TTC7B: variants seen among roughly 807,000 people sequenced by gnomAD.
TTC7B encodes tetratricopeptide repeat domain 7B.
In TTC7B, 28 loss-of-function variants were observed where a neutral mutation model predicts 106.8. That is an observed-to-expected ratio of 0.26 (90% CI 0.19 to 0.36). The LOEUF (loss-of-function observed/expected upper bound fraction) is 0.36. Ranked by LOEUF, TTC7B falls within the 10% of genes least tolerant of loss-of-function variation. The probability of loss-of-function intolerance (pLI) is 1.00; values close to 1 mark genes in which losing one functional copy is unlikely to be tolerated. For missense variants in TTC7B, 862 were observed against 1,076.4 expected (o/e 0.80, Z 2.79); for synonymous variants, 405 against 430.6 (o/e 0.94, Z 0.74).
intron 3 of TTC7B, among the ~76,000 whole-genome samples, chr14:90,775,669 A>C (rs1278625490): frequency 1.3e-5 from 2 of 152,148 alleles, no homozygotes; most frequent in Non-Finnish European, 2.9e-5. Context: ...CCTGCCAAGA[A>C]ACATCCCCAC....
At chr14:90,619,985 C>A (rs1893242326) in intron 15 of TTC7B, among the ~76,000 whole-genome samples, 1 of 152,186 alleles carries the variant, frequency 6.6e-6, no homozygotes, top group South Asian at 2.1e-4. Flanking sequence ...AGGAAAGTCT[C>A]TTTTTCATGT....
chr14:90,699,290 A>G (rs1464324080), intron 5 of TTC7B: 2 of 445,148 alleles, frequency 4.5e-6, no homozygotes, highest in Admixed American at 2.5e-5. Context: ...AAAATGGAAA[A>G]CCAAGGCTAG....
Position 90,531,410 on chromosome 14 carries a change from G to C in TTC7B, c.*9958C>G, listed in dbSNP as rs1308986538. ...CATGGTGAAACTCTGTCTCTACTAAGCACAAAAAATCAAAAATACAAAACA... is the reference window on the plus strand; with the variant it reads ...CATGGTGAAACTCTGTCTCTACTAACCACAAAAAATCAAAAATACAAAACA... On this transcript the variant is annotated 3_prime_UTR_variant, in exon 20 of 20. Transcript: ENST00000328459. 1 of 150,148 alleles carries C rather than the reference G, an allele frequency of 6.7e-6. No homozygotes were observed. Among genetic ancestry groups the C allele is most frequent in the East Asian group, 1.9e-4 (1 of 5,144 alleles). The allele number at this position is 150,148 out of a possible 1,614,324, so 9.3% of individuals were successfully genotyped here.
chr14:90,814,586 G>A (rs1328713272), intron 1 of TTC7B, among the ~76,000 whole-genome samples: 1 of 152,158 alleles, frequency 6.6e-6, no homozygotes, highest in African/African-American at 2.4e-5. Flanking sequence ...AAAAAGACCA[G>A]GAGGCTCACA....
intron 19 of TTC7B, among the ~76,000 whole-genome samples, chr14:90,552,231 T>C (rs531169845): frequency 3.3e-5 from 5 of 152,328 alleles, no homozygotes; most frequent in African/African-American, 1.2e-4. Context: ...ACGCTGCCAC[T>C]CACTCAGCCC....
chr14:90,617,292 A>G (rs1389656969), intron 16 of TTC7B, among the ~76,000 whole-genome samples: 2 of 148,220 alleles, frequency 1.3e-5, no homozygotes, highest in Non-Finnish European at 3.0e-5. Context: ...ATCATCTTAT[A>G]GGATGTTGTT....
intron 9 of TTC7B, among the ~76,000 whole-genome samples, chr14:90,670,847 C>G (rs1207168814): frequency 6.6e-6 from 1 of 152,142 alleles, no homozygotes; most frequent in Non-Finnish European, 1.5e-5. Context: ...AGGCCCATCC[C>G]TTACTCTGCT....
chr14:90,800,503 A>T (rs1008704855), intron 1 of TTC7B, among the ~76,000 whole-genome samples: 4 of 152,072 alleles, frequency 2.6e-5, no homozygotes, highest in African/African-American at 7.2e-5. Flanking sequence ...GGGTCCTTAG[A>T]AGAGGGAAGT....
At chr14:90,725,657 C>G (rs1198168509) in intron 5 of TTC7B, among the ~76,000 whole-genome samples, 15 of 152,190 alleles carry the variant, frequency 9.9e-5, no homozygotes, top group Admixed American at 9.8e-4. Context: ...GCCTGACTTC[C>G]TGCTTTCTGA....
intron 5 of TTC7B, among the ~76,000 whole-genome samples, chr14:90,713,514 C>A (rs556498754): frequency 6.6e-6 from 1 of 152,178 alleles, no homozygotes; most frequent in African/African-American, 2.4e-5. Flanking sequence ...GATACTACTA[C>A]AAACTTACTA....
chr14:90,704,756 G>A (rs1174085958), intron 5 of TTC7B, among the ~76,000 whole-genome samples: 1 of 152,208 alleles, frequency 6.6e-6, no homozygotes, highest in Non-Finnish European at 1.5e-5. Flanking sequence ...AAGAAAGATG[G>A]TGTCGGGGAA....
At chr14:90,643,332 C>T (rs919111215) in intron 15 of TTC7B, among the ~76,000 whole-genome samples, 6 of 151,744 alleles carry the variant, frequency 4.0e-5, no homozygotes, top group East Asian at 2.0e-4. Context: ...CGCTTGAACC[C>T]GGGAAGTGGA....
intron 17 of TTC7B, among the ~76,000 whole-genome samples, chr14:90,594,136 C>T (rs1370329852): frequency 1.3e-5 from 2 of 152,094 alleles, no homozygotes; most frequent in Non-Finnish European, 2.9e-5. Flanking sequence ...ACTACACCCT[C>T]GGTTTAGAAC....
At chr14:90,752,197 G>T (rs907779938) in intron 3 of TTC7B, among the ~76,000 whole-genome samples, 1 of 152,082 alleles carries the variant, frequency 6.6e-6, no homozygotes, top group African/African-American at 2.4e-5. Context: ...TAACAAACCG[G>T]ACTCTCCACT....
intron 4 of TTC7B, among the ~76,000 whole-genome samples, chr14:90,744,050 T>C (rs898757189): frequency 6.6e-6 from 1 of 152,242 alleles, no homozygotes; most frequent in Non-Finnish European, 1.5e-5. Flanking sequence ...GGATACCCGA[T>C]GTACTCAGCT....
chr14:90,709,314 C>A (rs1211278374), intron 5 of TTC7B, among the ~76,000 whole-genome samples: 45 of 150,108 alleles, frequency 3.0e-4, no homozygotes, highest in African/African-American at 1.0e-3. Context: ...AGACTGGATT[C>A]AGAAAATGTG....
chr14:90,750,892 C>T (rs762669997), intron 3 of TTC7B, among the ~76,000 whole-genome samples: 11 of 152,200 alleles, frequency 7.2e-5, no homozygotes, highest in Non-Finnish European at 1.3e-4. Flanking sequence ...AAATTTAGCT[C>T]TCTGTCAGAA....
Position 90,786,160 on chromosome 14 carries a change from G to C in TTC7B, c.276+14C>G. On this transcript the variant is annotated intron_variant, in intron 2 of 19. Coordinates refer to ENST00000328459, the MANE Select transcript of TTC7B (RefSeq NM_001010854.2). The stretch of plus-strand genomic sequence containing the variant: ...CCAAAGGAAGTGTCGCCTCAGCCCA[G>C]AGGCCCATGGTACCTTAAGGTTCCC... 6.6e-7 allele frequency: 1 copy of C among 1,524,414 alleles called. No individual in the cohort carries two copies. Among genetic ancestry groups the C allele is most frequent in the Non-Finnish European group, 8.8e-7 (1 of 1,139,876 alleles). 94.4% of individuals were successfully genotyped at this position (1,524,414 alleles called of 1,614,324 possible).
At chr14:90,720,615 G>A (rs955044742) in intron 5 of TTC7B, among the ~76,000 whole-genome samples, 29 of 152,234 alleles carry the variant, frequency 1.9e-4, no homozygotes, top group East Asian at 1.4e-3. Context: ...AAATACTGCC[G>A]TCTGATAAGG....
Sources: allele counts gnomAD v4.1 joint callset (sites outside exome capture counted in the v4.1 genomes callset), GRCh38; gene constraint gnomAD v4.1.1; transcripts MANE v1.5; gene names NCBI Gene and HGNC (gene_info 2026-07-23, HGNC 2026-07-21).